The following DLG1 variants were observed in gnomAD, a reference collection of about 807,000 sequenced individuals.
The protein encoded by DLG1 is discs large MAGUK scaffold protein 1.
A neutral mutation model predicts 123.4 loss-of-function variants in DLG1; 42 were observed. That is an observed-to-expected ratio of 0.34 (90% CI 0.27 to 0.44). The LOEUF (loss-of-function observed/expected upper bound fraction) is 0.44, where lower values mean the gene tolerates loss of function less well. Among genes scored for constraint, DLG1 ranks in the 20% least tolerant of loss-of-function variants. DLG1 has a pLI of 1.00. For missense variants in DLG1, 942 were observed against 1,082.6 expected, an observed-to-expected ratio of 0.87 and a Z score of 1.82; for synonymous variants, 317 against 356.2, an observed-to-expected ratio of 0.89 and a Z score of 1.24.
intron 3 of DLG1, among the ~76,000 whole-genome samples, chr3:197,283,868 T>G (rs915215606): frequency 1.3e-5 from 2 of 149,278 alleles, no homozygotes; most frequent in African/African-American, 4.9e-5. Context: ...TGTTTTTTTT[T>G]TTTTTTTTTT....
chr3:197,096,265 A>G (rs1231345559), intron 14 of DLG1, among the ~76,000 whole-genome samples: 2 of 152,230 alleles, frequency 1.3e-5, no homozygotes, highest in East Asian at 3.8e-4. Flanking sequence ...CTTCCCTTCC[A>G]TATTTGTAAC....
chr3:197,126,597 G>C lies in DLG1; in HGVS notation c.1165+3930C>G, dbSNP rs191112660. On this transcript the variant is annotated intron_variant, in intron 11 of 24. Transcript: ENST00000667157. ...GATACTTGAATTGATGAATAAAATG[G>C]CTCATTATTTAAAAAATACACAAAG... 1.2e-3 allele frequency among the ~76,000 whole-genome samples: 176 copies of C among 152,184 alleles called. 1 individual carries two copies. The highest frequency in any genetic ancestry group is 2.1e-3 in the South Asian group (10 of 4,820).
intron 5 of DLG1, among the ~76,000 whole-genome samples, chr3:197,175,493 G>GT (rs1199829833): frequency 1.3e-5 from 2 of 152,132 alleles, no homozygotes; most frequent in Admixed American, 1.3e-4. Context: ...ACAAAATCTG[G>GT]TAACATAGAC....
rs2150407269 is a variant in DLG1 at position 197,212,057 on chromosome 3, A to G, written c.319-17468T>C. On this transcript the variant is annotated intron_variant, in intron 4 of 24. Transcript: ENST00000667157. ...CTAAACGATGAGAACTGATGAACAC[A>G]AGAGAACAACAGACACTGGGATCTA... Among the ~76,000 whole-genome samples, 2 of 146,516 alleles carry G rather than the reference A, an allele frequency of 1.4e-5. 1 individual carries two copies. Among genetic ancestry groups the G allele is most frequent in the Non-Finnish European group, 3.1e-5 (2 of 65,256 alleles).
Position 197,142,784 on chromosome 3 carries a change from A to T in DLG1, c.538-16T>A. ...TGCCATTAACCTACAGGGGAAAAGA[A>T]AAGCAGCTCAGAAACTTCAGAGTGT... On this transcript the variant is annotated splice_polypyrimidine_tract_variant and intron_variant, in intron 6 of 24. Transcript: ENST00000667157. 1 of 1,594,796 alleles carries T rather than the reference A, an allele frequency of 6.3e-7. No homozygotes were observed. Among genetic ancestry groups the T allele is most frequent in the South Asian group, 1.2e-5 (1 of 85,132 alleles).
chr3:197,168,242 T>C (rs1213370131), intron 5 of DLG1, among the ~76,000 whole-genome samples: 1 of 152,248 alleles, frequency 6.6e-6, no homozygotes, highest in Non-Finnish European at 1.5e-5. Flanking sequence ...TACAGGGCAC[T>C]GACCAAGTTC....
At chr3:197,236,862 A>T (rs1746244773) in intron 4 of DLG1, among the ~76,000 whole-genome samples, 1 of 152,218 alleles carries the variant, frequency 6.6e-6, no homozygotes, top group Non-Finnish European at 1.5e-5. Context: ...CAAAATAAAT[A>T]TATTATTTTA....
intron 5 of DLG1, among the ~76,000 whole-genome samples, chr3:197,175,895 C>T (rs942540917): frequency 3.9e-5 from 6 of 152,056 alleles, no homozygotes; most frequent in African/African-American, 1.4e-4. Flanking sequence ...TGCCCTGATC[C>T]CATAAGCATG....
At chr3:197,101,143 C>CAA (rs1372900304) in intron 14 of DLG1, among the ~76,000 whole-genome samples, 1 of 152,040 alleles carries the variant, frequency 6.6e-6, no homozygotes, top group African/African-American at 2.4e-5. Flanking sequence ...ACTGAACATA[C>CAA]AAGGGTGGAG....
chr3:197,269,425 T>C (rs1446164612), intron 4 of DLG1, among the ~76,000 whole-genome samples: 1 of 152,220 alleles, frequency 6.6e-6, no homozygotes, highest in African/African-American at 2.4e-5. Flanking sequence ...TTTAAAAAAA[T>C]AAACGTTGCC....
At chr3:197,165,754 C>T (rs533914307) in intron 5 of DLG1, among the ~76,000 whole-genome samples, 8 of 152,246 alleles carry the variant, frequency 5.3e-5, no homozygotes, top group South Asian at 4.1e-4. Context: ...ATAAGAAAAG[C>T]GTGGTGGTTT....
chr3:197,246,750 A>G (rs1751908647), intron 4 of DLG1, among the ~76,000 whole-genome samples: 1 of 152,164 alleles, frequency 6.6e-6, no homozygotes, highest in African/African-American at 2.4e-5. Flanking sequence ...AGCGATGGGT[A>G]GGTGTTTTAG....
At chr3:197,273,368 G>A (rs376031364) in intron 4 of DLG1, among the ~76,000 whole-genome samples, 19 of 151,634 alleles carry the variant, frequency 1.3e-4, no homozygotes, top group African/African-American at 4.4e-4. Context: ...CTCCCAAGTA[G>A]CTGGGATTAC....
At chr3:197,074,646 TG>T (rs1746091509) in intron 18 of DLG1, among the ~76,000 whole-genome samples, 3 of 152,090 alleles carry the variant, frequency 2.0e-5, no homozygotes, top group Admixed American at 2.0e-4. Flanking sequence ...TTTCCCCAAA[TG>T]TAAGGGTGTC....
intron 4 of DLG1, among the ~76,000 whole-genome samples, chr3:197,244,368 C>T (rs530021316): frequency 6.6e-6 from 1 of 152,278 alleles, no homozygotes; most frequent in African/African-American, 2.4e-5. Context: ...GGGCCTTTGG[C>T]CTGCTGTGCG....
chr3:197,279,975 T>C (rs1768401148), intron 4 of DLG1, among the ~76,000 whole-genome samples: 1 of 152,196 alleles, frequency 6.6e-6, no homozygotes, highest in Non-Finnish European at 1.5e-5. Context: ...CTCAAACATT[T>C]ATCATTTATT....
chr3:197,201,140 T>A (rs1010356696), intron 4 of DLG1, among the ~76,000 whole-genome samples: 2 of 152,120 alleles, frequency 1.3e-5, no homozygotes, highest in African/African-American at 4.8e-5. Context: ...TCCCAGCACT[T>A]TGGGAGGCCG....
rs146445944 is a variant in DLG1 at position 197,225,018 on chromosome 3, G to A, written c.319-30429C>T. Among the ~76,000 whole-genome samples the A allele has an allele frequency of 4.3e-3, 658 of 152,214 alleles. 4 individuals are homozygous for A. Among genetic ancestry groups the A allele is most frequent in the African/African-American group, 0.015 (628 of 41,530 alleles). On this transcript the variant is annotated intron_variant, in intron 4 of 24. Transcript: ENST00000667157. ...GTGGCCCAGGCCGGAGTGCAGTGGC[G>A]CGATCTTGGCTCACTGCAAGCTCCG...
chr3:197,107,350 C>T (rs1377703840), intron 13 of DLG1, among the ~76,000 whole-genome samples: 1 of 152,154 alleles, frequency 6.6e-6, no homozygotes, highest in African/African-American at 2.4e-5. Context: ...CGAGACCTTC[C>T]TGGGTAACAT....
Sources: gnomAD v4.1 joint callset for allele counts (sites outside exome capture counted in the v4.1 genomes callset) on GRCh38, gnomAD v4.1.1 for gene constraint, MANE v1.5 for transcripts, NCBI Gene and HGNC (gene_info 2026-07-23, HGNC 2026-07-21) for gene names.